Variants in GSE1 observed in about 807,000 individuals in gnomAD.
GSE1 encodes genetic suppressor element 1.
GSE1 carries 32 observed loss-of-function variants against 112.6 expected under a neutral mutation model. The ratio of observed to expected loss-of-function variants is 0.28; its 90% CI spans 0.21 to 0.38. The LOEUF is 0.38. Among genes scored for constraint, GSE1 ranks in the 10% least tolerant of loss-of-function variants. The pLI, the probability that GSE1 is intolerant of heterozygous loss-of-function variation, is 1.00. For missense variants in GSE1, 2,348 were observed against 1,699.2 expected (o/e 1.38, Z -6.71); for synonymous variants, 1,115 against 735.6 (o/e 1.52, Z -8.35).
intron 1 of GSE1, among the ~76,000 whole-genome samples, chr16:85,178,025 G>A (rs1054749154): frequency 2.6e-5 from 4 of 152,168 alleles, no homozygotes; most frequent in African/African-American, 9.7e-5. Context: ...GGCGCTCTGG[G>A]CACCTGCTAT....
intron 2 of GSE1, among the ~76,000 whole-genome samples, chr16:85,372,039 C>T (rs1236277690): frequency 6.6e-6 from 1 of 152,188 alleles, no homozygotes; most frequent in African/African-American, 2.4e-5. Flanking sequence ...ACAGGTGACA[C>T]CAAAGCCCTG....
intron 2 of GSE1, among the ~76,000 whole-genome samples, chr16:85,468,159 C>T (rs908088177): frequency 5.6e-5 from 8 of 143,870 alleles, no homozygotes; most frequent in African/African-American, 2.1e-4. Context: ...TGTTTCTGTA[C>T]TTGGGGTTCC....
At chr16:85,296,559 A>G (rs1490215311) in intron 1 of GSE1, among the ~76,000 whole-genome samples, 4 of 152,194 alleles carry the variant, frequency 2.6e-5, no homozygotes, top group African/African-American at 7.2e-5. Context: ...GTGAGCCAAG[A>G]TCGCACCACT....
chr16:85,477,812 G>T (rs8054107), intron 2 of GSE1, among the ~76,000 whole-genome samples: 7,623 of 151,924 alleles, frequency 0.05, 602 homozygotes, highest in African/African-American at 0.17. Context: ...CGCCCGCCTC[G>T]GCCTCCCAAA....
chr16:85,537,912 C>T (rs2044386109), intron 2 of GSE1, among the ~76,000 whole-genome samples: 1 of 152,194 alleles, frequency 6.6e-6, no homozygotes, highest in East Asian at 1.9e-4. Context: ...CATGGATAGC[C>T]AGACAGAGGC....
intron 1 of GSE1, among the ~76,000 whole-genome samples, chr16:85,215,693 CG>C (rs1304285653): frequency 6.6e-6 from 1 of 152,198 alleles, no homozygotes; most frequent in African/African-American, 2.4e-5. Flanking sequence ...CTGTGTGCCC[CG>C]CACTGTTCCA....
chr16:85,610,908 G>C (rs2047941431), upstream of GSE1, among the ~76,000 whole-genome samples: 1 of 152,240 alleles, frequency 6.6e-6, no homozygotes, highest in Non-Finnish European at 1.5e-5. Flanking sequence ...GGAGGGATTG[G>C]CCGGCTCTAA....
chr16:85,416,609 A>G (rs2048709131), intron 2 of GSE1, among the ~76,000 whole-genome samples: 1 of 152,196 alleles, frequency 6.6e-6, no homozygotes, highest in Middle Eastern at 3.2e-3. Context: ...GGCCCATCAC[A>G]TCCTGTACAT....
At chr16:85,252,664 A>G (rs555583088) in intron 1 of GSE1, among the ~76,000 whole-genome samples, 9 of 152,322 alleles carry the variant, frequency 5.9e-5, no homozygotes, top group African/African-American at 2.2e-4. Flanking sequence ...GGGAGGAGGA[A>G]ACTGAGGTCA....
At chr16:85,246,334 C>CACAA (rs1905736276) in intron 1 of GSE1, among the ~76,000 whole-genome samples, 1 of 28,108 alleles carries the variant, frequency 3.6e-5, no homozygotes, top group Non-Finnish European at 7.0e-5. Flanking sequence ...CACACACACC[C>CACAA]CCCACACGCT....
intron 1 of GSE1, among the ~76,000 whole-genome samples, chr16:85,211,079 C>T (rs2075216522): frequency 6.6e-6 from 1 of 152,230 alleles, no homozygotes; most frequent in African/African-American, 2.4e-5. Flanking sequence ...GCTCAAGGAG[C>T]ATTTATTGAG....
intron 2 of GSE1, among the ~76,000 whole-genome samples, chr16:85,445,656 A>G (rs1234747747): frequency 1.3e-5 from 2 of 152,072 alleles, no homozygotes; most frequent in South Asian, 2.1e-4. Context: ...GCACTGTGTT[A>G]ACGACAGATT....
intron 2 of GSE1, among the ~76,000 whole-genome samples, chr16:85,436,885 G>A (rs955566729): frequency 4.6e-5 from 7 of 152,186 alleles, no homozygotes; most frequent in Admixed American, 1.3e-4. Context: ...TGGGCGGCCC[G>A]GGACTGTGGG....
chr16:85,258,242 T>C (rs1427226902), intron 1 of GSE1, among the ~76,000 whole-genome samples: 3 of 152,198 alleles, frequency 2.0e-5, no homozygotes, highest in Admixed American at 6.5e-5. Context: ...CATGGCCCAC[T>C]GGCCCATCGC....
intron 3 of GSE1, among the ~76,000 whole-genome samples, chr16:85,649,633 C>T (rs1258081560): frequency 3.5e-5 from 5 of 142,856 alleles, no homozygotes; most frequent in African/African-American, 5.0e-5. Context: ...GCAGCTCTCC[C>T]GGCCCCCCAC....
At chr16:85,420,089 GA>G (rs1404179720) in intron 2 of GSE1, among the ~76,000 whole-genome samples, 7 of 143,062 alleles carry the variant, frequency 4.9e-5, no homozygotes, top group African/African-American at 1.8e-4. Flanking sequence ...GGCAGACACT[GA>G]GCAGTGTGCT....
chr16:85,297,507 T>G (rs1237148470), intron 1 of GSE1, among the ~76,000 whole-genome samples: 1 of 150,586 alleles, frequency 6.6e-6, no homozygotes, highest in Non-Finnish European at 1.5e-5. Flanking sequence ...TTTTTTGTTT[T>G]GTTTTGTTTT....
intron 1 of GSE1, among the ~76,000 whole-genome samples, chr16:85,322,201 G>C (rs1244963083): frequency 1.3e-5 from 2 of 152,158 alleles, no homozygotes; most frequent in African/African-American, 4.8e-5. Context: ...AGTGTCACAT[G>C]GCACACGTTC....
chr16:85,181,002 G>C (rs1418539396), intron 1 of GSE1, among the ~76,000 whole-genome samples: 2 of 152,246 alleles, frequency 1.3e-5, no homozygotes, highest in Non-Finnish European at 2.9e-5. Context: ...GTCATTTTCA[G>C]ATTGTGTCGT....
Sources: gnomAD v4.1 joint callset for allele counts (sites outside exome capture counted in the v4.1 genomes callset) on GRCh38, gnomAD v4.1.1 for gene constraint, MANE v1.5 for transcripts, NCBI Gene and HGNC (gene_info 2026-07-23, HGNC 2026-07-21) for gene names.